Variants in MTMR3 observed in about 807,000 individuals in gnomAD.
MTMR3 encodes the protein myotubularin related protein 3.
In MTMR3, 32 loss-of-function variants were observed where a neutral mutation model predicts 132.4. The observed-to-expected ratio is 0.24, with a 90% CI of 0.18 to 0.32. The LOEUF is 0.32. Among genes scored for constraint, MTMR3 ranks in the 10% least tolerant of loss-of-function variants. The pLI is 1.00. For synonymous variants in MTMR3, 556 were observed against 550.3 expected (o/e 1.01, Z -0.14); for missense variants, 1,216 against 1,489.6 (o/e 0.82, Z 3.02).
At chr22:29,928,842 A>G (rs1049903541) in intron 1 of MTMR3, among the ~76,000 whole-genome samples, 1 of 152,082 alleles carries the variant, frequency 6.6e-6, no homozygotes, top group Non-Finnish European at 1.5e-5. Context: ...GCCTCAGGGA[A>G]TATTTGCGCC....
At chr22:29,991,825 A>G (rs927958703) in intron 7 of MTMR3, 155 bp downstream of exon 7, 12 of 711,602 alleles carry the variant, frequency 1.7e-5, no homozygotes, top group Non-Finnish European at 2.3e-5. Flanking sequence ...TTTAAGCTTA[A>G]TAGAACATCT....
intron 5 of MTMR3, 88 bp downstream of exon 5, chr22:29,979,140 C>A: frequency 1.1e-6 from 1 of 877,362 alleles, no homozygotes; most frequent in Non-Finnish European, 1.9e-6. Context: ...GAGAGGCATA[C>A]AGAATTGGGA....
intron 1 of MTMR3, among the ~76,000 whole-genome samples, chr22:29,908,815 CT>C (rs942032974): frequency 6.6e-5 from 10 of 152,048 alleles, no homozygotes; most frequent in Non-Finnish European, 1.3e-4. Context: ...TGAAGGATTG[CT>C]TTTAGCTATT....
intron 1 of MTMR3, among the ~76,000 whole-genome samples, chr22:29,946,021 TTG>T (rs57792760): frequency 6.6e-5 from 10 of 150,778 alleles, no homozygotes; most frequent in South Asian, 2.1e-4. Flanking sequence ...GTGTATATAT[TTG>T]TGTGTGTGTG....
At chr22:30,025,576 C>G in intron 19 of MTMR3, 54 bp from the exon 20 acceptor site, 2 of 1,595,604 alleles carry the variant, frequency 1.3e-6, no homozygotes, top group Non-Finnish European at 1.7e-6. Flanking sequence ...GTTGGTTTCC[C>G]TCCGCATACC....
At chr22:29,897,408 T>G (rs1351936917) in intron 1 of MTMR3, among the ~76,000 whole-genome samples, 1 of 152,124 alleles carries the variant, frequency 6.6e-6, no homozygotes, top group African/African-American at 2.4e-5. Context: ...TGACATCTTG[T>G]CAGATTTGCT....
chr22:29,909,806 A>G (rs1011600152), intron 1 of MTMR3, among the ~76,000 whole-genome samples: 3 of 152,244 alleles, frequency 2.0e-5, no homozygotes, highest in African/African-American at 7.2e-5. Flanking sequence ...GCTTCTTGTT[A>G]AAAACAGAGT....
chr22:29,942,407 G>A (rs956118645), intron 1 of MTMR3, among the ~76,000 whole-genome samples: 3 of 151,968 alleles, frequency 2.0e-5, no homozygotes, highest in South Asian at 2.1e-4. Context: ...CCACAGGACC[G>A]GGGCAAAATT....
At chr22:29,888,676 A>G (rs1383133892) in intron 1 of MTMR3, among the ~76,000 whole-genome samples, 1 of 151,576 alleles carries the variant, frequency 6.6e-6, no homozygotes, top group Non-Finnish European at 1.5e-5. Flanking sequence ...ATAACTACGG[A>G]TATTCAGAAT....
At position 30,020,124 on chromosome 22, in the gene MTMR3, C is replaced by T. The variant is rs1421338655; in HGVS notation, c.2465C>T (p.Thr822Ile). 1 of 1,614,098 alleles carries T rather than the reference C, an allele frequency of 6.2e-7. No individual in the cohort carries two copies. Among genetic ancestry groups the T allele is most frequent in the Non-Finnish European group, 8.5e-7 (1 of 1,180,054 alleles). Residue 822 changes from threonine to isoleucine, a missense_variant, in exon 17 of 20, where the codon ACC becomes ATC. Thr to Ile is a moderately conservative substitution (Grantham distance 89). Around this residue, in one of 7 missense-constraint regions of MTMR3, gnomAD observed 852 missense variants for 852.0 expected, o/e 1.00. Coordinates refer to ENST00000401950, the MANE Select transcript of MTMR3 (RefSeq NM_021090.4). ...IPVDAKVGYG[T>I]SQSCSLLPSQ... ...GTAGATGCAAAAGTTGGCTATGGTA[C>T]CTCACAGTCATGTTCTCTGCTACCT...
At chr22:29,889,527 T>C (rs1361927753) in intron 1 of MTMR3, among the ~76,000 whole-genome samples, 3 of 152,038 alleles carry the variant, frequency 2.0e-5, no homozygotes, top group Non-Finnish European at 4.4e-5. Flanking sequence ...CCTCAGGTGA[T>C]CCGCCTGCCT....
At chr22:29,959,326 G>C (rs1008854462) in intron 2 of MTMR3, among the ~76,000 whole-genome samples, 4 of 152,044 alleles carry the variant, frequency 2.6e-5, no homozygotes, top group Non-Finnish European at 5.9e-5. Context: ...AGGGGGGTGG[G>C]GGAGTGTTGC....
chr22:30,021,030 G>T, intron 17 of MTMR3, 146 bp downstream of exon 17: 1 of 810,376 alleles, frequency 1.2e-6, no homozygotes, highest in Non-Finnish European at 1.9e-6. Flanking sequence ...AGAGGCTGGA[G>T]ATGAGCCTCC....
chr22:29,959,903 C>T (rs1439135324), intron 2 of MTMR3, among the ~76,000 whole-genome samples: 2 of 151,566 alleles, frequency 1.3e-5, no homozygotes, highest in Non-Finnish European at 2.9e-5. Context: ...GGACTATGGG[C>T]ATGTACCACC....
intron 1 of MTMR3, among the ~76,000 whole-genome samples, chr22:29,925,794 G>A (rs997665137): frequency 4.6e-5 from 7 of 152,002 alleles, no homozygotes; most frequent in Admixed American, 6.6e-5. Context: ...GGGCACCTGT[G>A]GTCCCAGCTG....
chr22:30,009,005 T>C lies in MTMR3; in HGVS notation c.1010-13T>C. 6.5e-7 allele frequency: 1 copy of C among 1,546,010 alleles called. No homozygotes were observed. The highest frequency in any genetic ancestry group is 8.9e-7 in the Non-Finnish European group (1 of 1,118,380). On this transcript the variant is annotated splice_polypyrimidine_tract_variant and intron_variant, in intron 11 of 19. Coordinates refer to ENST00000401950, the MANE Select transcript of MTMR3 (RefSeq NM_021090.4). Reference sequence around the variant, plus strand: ...CAACGTATTTGTGTTCTCTTTATTGTTACTCTCTCCAGAGTATTACCCAAA... The same window carrying C: ...CAACGTATTTGTGTTCTCTTTATTGCTACTCTCTCCAGAGTATTACCCAAA...
chr22:29,911,979 A>G (rs1241803299), intron 1 of MTMR3, among the ~76,000 whole-genome samples: 4 of 152,202 alleles, frequency 2.6e-5, no homozygotes, highest in Non-Finnish European at 5.9e-5. Flanking sequence ...TTGTTTTCTT[A>G]CAAAGTAGCT....
At chr22:29,920,218 A>G (rs909003187) in intron 1 of MTMR3, among the ~76,000 whole-genome samples, 1 of 150,366 alleles carries the variant, frequency 6.7e-6, no homozygotes, top group Non-Finnish European at 1.5e-5. Flanking sequence ...TGTCTCAAAA[A>G]AAAAAACAAA....
intron 1 of MTMR3, among the ~76,000 whole-genome samples, chr22:29,930,367 G>T (rs1270804151): frequency 1.3e-5 from 2 of 152,106 alleles, no homozygotes; most frequent in Non-Finnish European, 2.9e-5. Context: ...GGTCATCCCA[G>T]ATCTTTTATG....
Sources: allele counts gnomAD v4.1 joint callset (sites outside exome capture counted in the v4.1 genomes callset), GRCh38; gene constraint gnomAD v4.1.1; regional missense constraint gnomAD v4.1.1; transcripts MANE v1.5; gene names NCBI Gene and HGNC (gene_info 2026-07-23, HGNC 2026-07-21).